The following GRID2 variants were observed in gnomAD, a reference collection of about 807,000 sequenced individuals.
GRID2 encodes the protein glutamate receptor ionotropic, delta-2.
In GRID2, 33 loss-of-function variants were observed where a neutral mutation model predicts 114.8. That is an observed-to-expected ratio of 0.29 (90% CI 0.22 to 0.38). The LOEUF is 0.38. Ranked by LOEUF, GRID2 falls within the 10% of genes least tolerant of loss-of-function variation. GRID2 has a pLI of 1.00. For synonymous variants in GRID2, 505 were observed against 449.9 expected, an observed-to-expected ratio of 1.12 and a Z score of -1.55; for missense variants, 1,184 against 1,257.7, an observed-to-expected ratio of 0.94 and a Z score of 0.89.
At chr4:93,680,290 C>T (rs1480092044) in intron 14 of GRID2, among the ~76,000 whole-genome samples, 3 of 152,004 alleles carry the variant, frequency 2.0e-5, no homozygotes, top group African/African-American at 2.4e-5. Context: ...TAATCAATAG[C>T]TTACCAACCA....
rs555701357 is a variant in GRID2 at position 93,254,580 on chromosome 4, T to C, written c.1245+16090T>C. On this transcript the variant is annotated intron_variant, in intron 8 of 15. Coordinates refer to ENST00000282020, the MANE Select transcript of GRID2 (RefSeq NM_001510.4). ...TGCTTTGCTTGAGAATTTCTTCTTT[T>C]GATTCTTTCAAGGTTGTTATGAATC... Among the ~76,000 whole-genome samples the C allele has an allele frequency of 2.0e-5, 3 of 152,222 alleles. No homozygotes were observed. In the South Asian group the frequency reaches 6.2e-4, roughly 32 times the overall value.
chr4:93,596,631 G>A (rs1275995906), intron 13 of GRID2, among the ~76,000 whole-genome samples: 1 of 152,048 alleles, frequency 6.6e-6, no homozygotes, highest in African/African-American at 2.4e-5. Flanking sequence ...GAATGACCAA[G>A]TTATTATATT....
intron 1 of GRID2, among the ~76,000 whole-genome samples, chr4:92,514,088 A>G (rs1052410123): frequency 2.0e-5 from 3 of 151,906 alleles, no homozygotes; most frequent in African/African-American, 2.4e-5. Flanking sequence ...AATAAAAAAC[A>G]TGAAAAGGGT....
intron 2 of GRID2, among the ~76,000 whole-genome samples, chr4:92,859,563 T>C (rs1450359699): frequency 6.6e-6 from 1 of 152,194 alleles, no homozygotes; most frequent in Non-Finnish European, 1.5e-5. Flanking sequence ...TAGACTATGA[T>C]TTGTGAAAAT....
intron 14 of GRID2, among the ~76,000 whole-genome samples, chr4:93,683,710 C>G (rs1430718604): frequency 6.6e-6 from 1 of 152,028 alleles, no homozygotes; most frequent in Non-Finnish European, 1.5e-5. Flanking sequence ...TGCCAAGATA[C>G]ATGTTTTTGT....
chr4:93,107,136 C>T (rs1034556989), intron 3 of GRID2, among the ~76,000 whole-genome samples: 5 of 151,862 alleles, frequency 3.3e-5, no homozygotes, highest in African/African-American at 1.2e-4. Flanking sequence ...CTGTCTCTAC[C>T]GAAAATACAA....
intron 1 of GRID2, among the ~76,000 whole-genome samples, chr4:92,526,870 C>T (rs17252786): frequency 0.03 from 4,619 of 151,852 alleles, 89 homozygotes; most frequent in East Asian, 0.056. Context: ...TGGGGTTATC[C>T]CTGCATAAGT....
chr4:93,160,267 A>T (rs1027885349), intron 4 of GRID2, among the ~76,000 whole-genome samples: 1 of 151,842 alleles, frequency 6.6e-6, no homozygotes, highest in Non-Finnish European at 1.5e-5. Flanking sequence ...TAAAATTTGT[A>T]CAGTAATCAA....
intron 1 of GRID2, among the ~76,000 whole-genome samples, chr4:92,453,445 C>A (rs1451002004): frequency 6.6e-6 from 1 of 152,010 alleles, no homozygotes; most frequent in Non-Finnish European, 1.5e-5. Context: ...TATGTATATT[C>A]ACATATGTAT....
At chr4:92,862,957 A>C (rs1011003914) in intron 2 of GRID2, among the ~76,000 whole-genome samples, 1 of 152,038 alleles carries the variant, frequency 6.6e-6, no homozygotes, top group Non-Finnish European at 1.5e-5. Flanking sequence ...AGAAAACTCC[A>C]TTCATTATTT....
intron 13 of GRID2, among the ~76,000 whole-genome samples, chr4:93,625,916 G>A (rs1438675416): frequency 7.8e-6 from 1 of 128,688 alleles, no homozygotes; most frequent in Non-Finnish European, 1.6e-5. Flanking sequence ...CTCCGTCTCA[G>A]AAAAAACAAA....
intron 1 of GRID2, among the ~76,000 whole-genome samples, chr4:92,516,141 A>G (rs1724490041): frequency 6.6e-6 from 1 of 151,950 alleles, no homozygotes; most frequent in Admixed American, 6.6e-5. Context: ...AGGAATGCTT[A>G]ACGTATGCTG....
At chr4:92,488,175 C>T (rs1579452676) in intron 1 of GRID2, among the ~76,000 whole-genome samples, 1 of 152,112 alleles carries the variant, frequency 6.6e-6, no homozygotes, top group East Asian at 1.9e-4. Context: ...ATACTCAATT[C>T]CTGTCAAATG....
chr4:93,535,320 C>T (rs1208091410), intron 13 of GRID2, among the ~76,000 whole-genome samples: 1 of 149,856 alleles, frequency 6.7e-6, no homozygotes, highest in Non-Finnish European at 1.5e-5. Flanking sequence ...TGGTTGTTTC[C>T]GTATCTTGGC....
At chr4:93,427,957 A>G (rs1326026359) in intron 10 of GRID2, among the ~76,000 whole-genome samples, 1 of 152,080 alleles carries the variant, frequency 6.6e-6, no homozygotes, top group Non-Finnish European at 1.5e-5. Flanking sequence ...ATTTTCTCCT[A>G]GTTTAGAAGG....
At chr4:93,465,851 C>A (rs1724215065) in intron 11 of GRID2, among the ~76,000 whole-genome samples, 1 of 152,150 alleles carries the variant, frequency 6.6e-6, no homozygotes, top group Non-Finnish European at 1.5e-5. Context: ...AACTTTATGT[C>A]ATTCAAGTAA....
At chr4:93,233,066 A>C (rs1370317159) in intron 7 of GRID2, among the ~76,000 whole-genome samples, 1 of 152,170 alleles carries the variant, frequency 6.6e-6, no homozygotes, top group African/African-American at 2.4e-5. Flanking sequence ...AGTATGCATT[A>C]GCCAAGAAAG....
chr4:93,056,513 A>G (rs1727260506), intron 2 of GRID2, among the ~76,000 whole-genome samples: 1 of 151,978 alleles, frequency 6.6e-6, no homozygotes, highest in Non-Finnish European at 1.5e-5. Flanking sequence ...GATTCCACTA[A>G]GCCTGAAACA....
chr4:93,264,937 C>T (rs1318075434), intron 8 of GRID2, among the ~76,000 whole-genome samples: 1 of 151,566 alleles, frequency 6.6e-6, no homozygotes, highest in East Asian at 1.9e-4. Flanking sequence ...TGCCCGCCAC[C>T]ATGCCTGGCT....
Sources: allele counts gnomAD v4.1 joint callset (sites outside exome capture counted in the v4.1 genomes callset), GRCh38; gene constraint gnomAD v4.1.1; transcripts MANE v1.5; gene names NCBI Gene and HGNC (gene_info 2026-07-23, HGNC 2026-07-21).